Variants in NOS3 observed in about 807,000 individuals in gnomAD.
NOS3 encodes NOS type III.
NOS3 carries 98 observed loss-of-function variants against 144.9 expected under a neutral mutation model. The ratio of observed to expected loss-of-function variants is 0.68; its 90% CI spans 0.57 to 0.80. The LOEUF (loss-of-function observed/expected upper bound fraction) is 0.80. Ranked by LOEUF, NOS3 falls within the 30% of genes least tolerant of loss-of-function variation. The pLI, the probability that NOS3 is intolerant of heterozygous loss-of-function variation, is 0.00. For synonymous variants in NOS3, 714 were observed against 702.4 expected, an observed-to-expected ratio of 1.02 and a Z score of -0.26; for missense variants, 1,465 against 1,656.4, an observed-to-expected ratio of 0.88 and a Z score of 2.01.
At chr7:151,006,678 G>A (rs1044830070) in intron 15 of NOS3, among the ~76,000 whole-genome samples, 184 bp downstream of exon 15, 9 of 152,196 alleles carry the variant, frequency 5.9e-5, no homozygotes, top group South Asian at 2.1e-4. Flanking sequence ...TCTGAGAGCC[G>A]GGACAGTCCT....
Position 151,013,275 on chromosome 7 carries a change from T to A in NOS3, c.3151T>A (p.Ser1051Thr). ...PMTLVFGCRCSQLDHLYRDEV... is the reference protein window; with the variant it reads ...PMTLVFGCRCTQLDHLYRDEV... ...GACTTTGGTGTTCGGCTGCCGATGC[T>A]CCCAACTTGACCATCTCTACCGCGA... Residue 1051 changes from serine (S) to threonine (T), a missense_variant, in exon 25 of 27, where the codon TCC becomes ACC. Ser to Thr is a moderately conservative substitution (Grantham distance 58). Around this residue, in one of 5 missense-constraint regions of NOS3, gnomAD observed 228 missense variants for 227.7 expected, o/e 1.00. Coordinates refer to ENST00000297494, the MANE Select transcript of NOS3 (RefSeq NM_000603.5). The A allele has an allele frequency of 6.2e-7, 1 of 1,613,850 alleles. No individual in the cohort carries two copies. Among genetic ancestry groups the A allele is most frequent in the Non-Finnish European group, 8.5e-7 (1 of 1,179,934 alleles).
At position 151,010,245 on chromosome 7, in the gene NOS3, A is replaced by G. The variant is rs1795275539; in HGVS notation, c.2643A>G (p.Ala881=). Residue 881 remains alanine (A), a synonymous_variant, in exon 21 of 27, where the codon GCA becomes GCG. Coordinates refer to ENST00000297494, the MANE Select transcript of NOS3 (RefSeq NM_000603.5). ...PQLLRLLSTL[A]EEPREQQELE... is the part of the protein sequence containing the mutation. ...TCTTGCGGCTGCTCAGCACCTTGGCAGAAGAGCCCAGGGAACAGCAGGAGC... is the reference window on the plus strand; with the variant it reads ...TCTTGCGGCTGCTCAGCACCTTGGCGGAAGAGCCCAGGGAACAGCAGGAGC... 3 of 1,613,046 alleles carry G rather than the reference A, an allele frequency of 1.9e-6. No homozygotes were observed. The highest frequency in any genetic ancestry group is 2.5e-6 in the Non-Finnish European group (3 of 1,179,940).
chr7:150,992,960 C>T (rs1284612291), intron 1 of NOS3, among the ~76,000 whole-genome samples: 1 of 152,156 alleles, frequency 6.6e-6, no homozygotes, highest in Admixed American at 6.5e-5. Context: ...GTCCCCCATG[C>T]TCCCACCAGG....
rs1489319756 is a variant in NOS3, at chr7:151,009,515, G to A, written c.2442G>A (p.Leu814=). 17 of 1,546,544 alleles carry A rather than the reference G, an allele frequency of 1.1e-5. No homozygotes were observed. The highest frequency in any genetic ancestry group is 1.5e-5 in the Non-Finnish European group (17 of 1,146,280). Residue 814 remains leucine, a synonymous_variant, in exon 20 of 27, where the codon CTG becomes CTA. Transcript: ENST00000297494. ...GGCCCGGCCTTGTGGAGGCGCTGCTGAGCCGCGTGGAGGACCCGCCGGCGC... is the reference window on the plus strand; with the variant it reads ...GGCCCGGCCTTGTGGAGGCGCTGCTAAGCCGCGTGGAGGACCCGCCGGCGC... The part of the protein sequence containing the change: ...PNRPGLVEAL[L]SRVEDPPAPT...
rs772820202 is a variant in NOS3, at chr7:151,001,554, G to A, written c.1439G>A (p.Trp480Ter). ...SPAFRYQPDP[W>*]KGSAAKGTGI... is the part of the protein sequence containing the mutation. ...ATCATCTCTCTGCAGCCAGACCCCT[G>A]GAAGGGGAGTGCCGCCAAGGGCACC... Residue 480 changes from tryptophan to a stop codon, truncating the protein, a stop_gained, in exon 12 of 27, where the codon TGG (tryptophan) becomes TAG (stop). Coordinates refer to ENST00000297494, the MANE Select transcript of NOS3 (RefSeq NM_000603.5). LOFTEE classifies it high-confidence loss of function. The A allele has an allele frequency of 6.2e-7, 1 of 1,613,984 alleles. No homozygotes were observed. Among genetic ancestry groups the A allele is most frequent in the Non-Finnish European group, 8.5e-7 (1 of 1,179,960 alleles).
At position 151,003,569 on chromosome 7, in the gene NOS3, A is replaced by C; in HGVS notation, c.1752+1265A>C. The C allele has an allele frequency of 7.7e-7, 1 of 1,298,700 alleles. No homozygotes were observed. Among genetic ancestry groups the C allele is most frequent in the Non-Finnish European group, 1.0e-6 (1 of 983,366 alleles). The allele number at this position is 1,298,700 out of a possible 1,614,324, so 80.4% of individuals were successfully genotyped here. A position where few individuals can be genotyped will look rare whatever the true frequency, so the allele number is the denominator to read the frequency against. ...TTAGCATAAAGGTGTATAGACACCCATATAACCTACAGCCTTCACAAGGCA... is the reference window on the plus strand; with the variant it reads ...TTAGCATAAAGGTGTATAGACACCCCTATAACCTACAGCCTTCACAAGGCA... On this transcript the variant is annotated intron_variant, in intron 14 of 26. Coordinates refer to ENST00000297494, the MANE Select transcript of NOS3 (RefSeq NM_000603.5). The surrounding 1 kb of genome is among the most constrained non-coding windows in gnomAD (Gnocchi z 4.1).
At position 151,003,771 on chromosome 7, in the gene NOS3, G is replaced by A. The variant is rs1795164682; in HGVS notation, c.1752+1467G>A. 3 of 469,454 alleles carry A rather than the reference G, an allele frequency of 6.4e-6. No homozygotes were observed. The highest frequency in any genetic ancestry group is 1.3e-5 in the Non-Finnish European group (3 of 226,214). 29.1% of individuals were successfully genotyped at this position (469,454 alleles called of 1,614,324 possible). A position where few individuals can be genotyped will look rare whatever the true frequency, so the allele number is the denominator to read the frequency against. The stretch of plus-strand genomic sequence containing the variant: ...GTCTCCTGCTGAGGCTGTTTTTGAG[G>A]CGCACTCGTGTTGCTGCGTGACTCA... On this transcript the variant is annotated intron_variant, in intron 14 of 26. Transcript: ENST00000297494. The surrounding 1 kb of genome is among the most constrained non-coding windows in gnomAD (Gnocchi z 4.1).
rs371990302 is a variant in NOS3, at chr7:151,001,355, C to T, written c.1358C>T (p.Ser453Leu). The stretch of plus-strand genomic sequence containing the variant: ...TGGGCCTGGATCGTGCCCCCCATCT[C>T]GGGCAGCCTCACTCCTGTTTTCCAT... ...ADWAWIVPPI[S>L]GSLTPVFHQE... The change falls in exon 11 of 27, where the codon TCG (serine) becomes TTG (leucine). Residue 453 changes from serine to leucine, a missense_variant. Physicochemically the swap from Ser to Leu is moderately radical, Grantham distance 145. Around this residue, in one of 5 missense-constraint regions of NOS3, gnomAD observed 745 missense variants for 853.9 expected, o/e 0.87. Coordinates refer to ENST00000297494, the MANE Select transcript of NOS3 (RefSeq NM_000603.5). 12 of 1,612,970 alleles carry T rather than the reference C, an allele frequency of 7.4e-6. No homozygotes were observed. Among genetic ancestry groups the T allele is most frequent in the South Asian group, 1.1e-5 (1 of 91,042 alleles).
Position 151,008,957 on chromosome 7 carries a change from G to C in NOS3, c.2140G>C (p.Glu714Gln), listed in dbSNP as rs922149871. ...QAACETFCVGEDAKAAARDIF... is the reference protein window; with the variant it reads ...QAACETFCVGQDAKAAARDIF... The stretch of plus-strand genomic sequence containing the variant: ...CGCCTGTGAGACCTTCTGTGTGGGA[G>C]AGGATGCCAAGGCCGCCGCCCGAGA... Residue 714 changes from glutamate to glutamine, a missense_variant, in exon 18 of 27, where the codon GAG becomes CAG. By Grantham distance (29) the Glu-to-Gln change is conservative. Around this residue, in one of 5 missense-constraint regions of NOS3, gnomAD observed 745 missense variants for 853.9 expected, o/e 0.87. Transcript: ENST00000297494. 5.6e-6 allele frequency: 9 copies of C among 1,610,504 alleles called. No homozygotes were observed. The highest frequency in any genetic ancestry group is 2.7e-5 in the African/African-American group (2 of 74,912).
Position 151,014,245 on chromosome 7 carries a change from G to A in NOS3, c.*76G>A, listed in dbSNP as rs1795390391. 3 of 1,410,264 alleles carry A rather than the reference G, an allele frequency of 2.1e-6. No individual in the cohort carries two copies. Among genetic ancestry groups the A allele is most frequent in the African/African-American group, 1.4e-5 (1 of 70,392 alleles). The allele number at this position is 1,410,264 out of a possible 1,614,324, so 87.4% of individuals were successfully genotyped here. A position where few individuals can be genotyped will look rare whatever the true frequency, so the allele number is the denominator to read the frequency against. ...GGTCCGCCCGACCAGGATCAGCCCC[G>A]CTCCTCCCCTCTTGAGGTGGTGCCT... On this transcript the variant is annotated 3_prime_UTR_variant, in exon 27 of 27. Transcript: ENST00000297494.
chr7:151,003,594 A>G lies in NOS3; in HGVS notation c.1752+1290A>G, dbSNP rs1034097174. 4.3e-5 allele frequency: 54 copies of G among 1,259,402 alleles called. No homozygotes were observed. Among genetic ancestry groups the G allele is most frequent in the Non-Finnish European group, 5.6e-5 (53 of 947,448 alleles). The allele number at this position is 1,259,402 out of a possible 1,614,324, so 78.0% of individuals were successfully genotyped here. On this transcript the variant is annotated intron_variant, in intron 14 of 26. Coordinates refer to ENST00000297494, the MANE Select transcript of NOS3 (RefSeq NM_000603.5). This position sits in a 1 kb window ranked among gnomAD's most constrained non-coding sequence, Gnocchi z 4.1. ...ATATAACCTACAGCCTTCACAAGGC[A>G]TAGCACATTTTCACCACCCTGGAAA...
chr7:150,998,908 G>A lies in NOS3; in HGVS notation c.817-38G>A. 2 of 1,590,842 alleles carry A rather than the reference G, an allele frequency of 1.3e-6. No homozygotes were observed. The highest frequency in any genetic ancestry group is 1.7e-6 in the Non-Finnish European group (2 of 1,169,790). ...GAGGGGTCCCTGAGGAGGGCATGAG[G>A]CTCAGCCCCAGAACCCCCTCTGGCC... On this transcript the variant is annotated intron_variant, in intron 7 of 26. Transcript: ENST00000297494. This position sits in a 1 kb window ranked among gnomAD's most constrained non-coding sequence, Gnocchi z 5.0.
intron 5 of NOS3, 112 bp downstream of exon 5, chr7:150,997,037 T>A: frequency 7.8e-7 from 1 of 1,285,376 alleles, no homozygotes; most frequent in Non-Finnish European, 1.1e-6. Flanking sequence ...GTGGGGGAGA[T>A]CCTTGCCTTT....
chr7:151,011,414 G>A (rs1054593091), intron 23 of NOS3, among the ~76,000 whole-genome samples: 1 of 150,318 alleles, frequency 6.7e-6, no homozygotes, highest in Non-Finnish European at 1.5e-5. Context: ...GAAGGTTTTG[G>A]TTTTTTTTTC....
chr7:151,012,300 TG>T, intron 23 of NOS3, 50 bp from the exon 24 acceptor site: 1 of 1,450,490 alleles, frequency 6.9e-7, no homozygotes. Flanking sequence ...ATGGTGAGAA[TG>T]GTGGAGCAGG....
intron 4 of NOS3, 35 bp from the exon 5 acceptor site, chr7:150,996,728 C>A (rs764982303): frequency 6.2e-7 from 1 of 1,605,838 alleles, no homozygotes; most frequent in African/African-American, 1.3e-5. Context: ...CACACAACTT[C>A]CTGCTTGTCC....
rs1584916577 is a variant in NOS3 at position 151,014,330 on chromosome 7, C to G, written c.*161C>G. 1.2e-6 allele frequency: 1 copy of G among 801,372 alleles called. No individual in the cohort carries two copies. The highest frequency in any genetic ancestry group is 1.9e-5 in the South Asian group (1 of 53,164). The allele number at this position is 801,372 out of a possible 1,614,324, so 49.6% of individuals were successfully genotyped here. A position where few individuals can be genotyped will look rare whatever the true frequency, so the allele number is the denominator to read the frequency against. On this transcript the variant is annotated 3_prime_UTR_variant, in exon 27 of 27. Transcript: ENST00000297494. ...ATTATTCCTCCAGGAAGGAGCAAAA[C>G]GCCTCTTTTCCCTCTCTAGGCCTGT...
intron 1 of NOS3, among the ~76,000 whole-genome samples, chr7:150,992,073 C>A (rs112216160): frequency 6.6e-6 from 1 of 151,126 alleles, no homozygotes; most frequent in Non-Finnish European, 1.5e-5. Context: ...AGAATCACTC[C>A]GGGAGGCAGA....
At position 151,001,312 on chromosome 7, in the gene NOS3, G is replaced by T. The variant is rs1228027476; in HGVS notation, c.1315G>T (p.Gly439Trp). The change falls in exon 11 of 27, where the codon GGG becomes TGG. Residue 439 changes from glycine to tryptophan, a missense_variant. Physicochemically the swap from Gly to Trp is radical, Grantham distance 184. Transcript: ENST00000297494. Reference sequence around the variant, plus strand: ...CCTGGAGAATGAGCAGAAGGCCAGGGGGGGCTGCCCTGCAGACTGGGCCTG... The same window carrying T: ...CCTGGAGAATGAGCAGAAGGCCAGGTGGGGCTGCCCTGCAGACTGGGCCTG... ...KHLENEQKAR[G>W]GCPADWAWIV... The T allele has an allele frequency of 3.1e-6, 5 of 1,613,656 alleles. No homozygotes were observed. The highest frequency in any genetic ancestry group is 4.2e-6 in the Non-Finnish European group (5 of 1,179,946).
Sources: allele counts gnomAD v4.1 joint callset (sites outside exome capture counted in the v4.1 genomes callset), GRCh38; gene constraint gnomAD v4.1.1; regional missense constraint gnomAD v4.1.1; non-coding constraint Gnocchi (gnomAD v3.1); transcripts MANE v1.5; gene names NCBI Gene and HGNC (gene_info 2026-07-23, HGNC 2026-07-21).